TNIP3: variants seen among roughly 807,000 people sequenced by gnomAD.
TNIP3 encodes TNFAIP3-interacting protein 3.
In TNIP3, 34 loss-of-function variants were observed where a neutral mutation model predicts 54.1. The ratio of observed to expected loss-of-function variants is 0.63; its 90% confidence interval spans 0.48 to 0.84. TNIP3 has a LOEUF of 0.84. Among genes scored for constraint, TNIP3 ranks in the 40% least tolerant of loss-of-function variants. The probability of loss-of-function intolerance (pLI) is 0.00; values close to 1 mark genes in which losing one functional copy is unlikely to be tolerated. For missense variants in TNIP3, 366 were observed against 387.6 expected (o/e 0.94, Z 0.47); for synonymous variants, 134 against 136.8 (o/e 0.98, Z 0.14).
chr4:121,211,032 A>T (rs564792842), intron 2 of TNIP3, among the ~76,000 whole-genome samples: 4 of 152,326 alleles, frequency 2.6e-5, no homozygotes, highest in African/African-American at 9.6e-5. Context: ...GAAAACCCTG[A>T]TCTGGTAATA....
intron 9 of TNIP3, among the ~76,000 whole-genome samples, chr4:121,141,408 A>C (rs1254873096): frequency 6.6e-6 from 1 of 152,242 alleles, no homozygotes; most frequent in African/African-American, 2.4e-5. Flanking sequence ...TATTTTGCAC[A>C]TATGTAGCAA....
intron 2 of TNIP3, among the ~76,000 whole-genome samples, chr4:121,215,219 A>T (rs1299829472): frequency 6.6e-6 from 1 of 152,156 alleles, no homozygotes; most frequent in South Asian, 2.1e-4. Flanking sequence ...GAAAGTACAG[A>T]TGGGCCTCTT....
intron 2 of TNIP3, among the ~76,000 whole-genome samples, chr4:121,194,698 C>A (rs572856367): frequency 1.6e-4 from 24 of 152,230 alleles, no homozygotes; most frequent in Non-Finnish European, 3.1e-4. Context: ...ACCCCTAAAC[C>A]TTGAGTGTCT....
At chr4:121,187,955 C>G (rs1725111036) in intron 2 of TNIP3, among the ~76,000 whole-genome samples, 1 of 151,706 alleles carries the variant, frequency 6.6e-6, no homozygotes, top group Admixed American at 6.6e-5. Context: ...TTTTTTTTAA[C>G]CATCCAGGAA....
chr4:121,151,548 T>G (rs1729758158), intron 5 of TNIP3, among the ~76,000 whole-genome samples: 1 of 152,158 alleles, frequency 6.6e-6, no homozygotes, highest in Non-Finnish European at 1.5e-5. Context: ...AATTTATGTT[T>G]TTTGAGGATT....
chr4:121,219,644 C>T (rs1465667370), upstream of TNIP3, among the ~76,000 whole-genome samples: 1 of 152,136 alleles, frequency 6.6e-6, no homozygotes, highest in African/African-American at 2.4e-5. Context: ...TTCGTATTAC[C>T]AGTCATACTC....
At chr4:121,209,163 C>T (rs1019606227) in intron 2 of TNIP3, among the ~76,000 whole-genome samples, 3 of 152,236 alleles carry the variant, frequency 2.0e-5, no homozygotes, top group Admixed American at 6.5e-5. Flanking sequence ...TGTGTGACAG[C>T]ATCCCCATGC....
intron 6 of TNIP3, among the ~76,000 whole-genome samples, chr4:121,147,713 C>T (rs566209716): frequency 3.3e-5 from 5 of 152,232 alleles, no homozygotes; most frequent in Middle Eastern, 3.4e-3. Flanking sequence ...GTATATAAAG[C>T]TATGAAAACA....
chr4:121,159,494 T>G (rs1387691544), intron 2 of TNIP3, among the ~76,000 whole-genome samples: 1 of 152,258 alleles, frequency 6.6e-6, no homozygotes, highest in East Asian at 1.9e-4. Context: ...GTGCTTACAC[T>G]GATTATAATG....
chr4:121,205,650 G>T (rs1351857443), intron 2 of TNIP3, among the ~76,000 whole-genome samples: 1 of 152,116 alleles, frequency 6.6e-6, no homozygotes, highest in East Asian at 1.9e-4. Context: ...AGTGAGGGAT[G>T]TGGAAAGAAA....
chr4:121,181,617 T>C (rs1724703394), intron 3 of TNIP3, among the ~76,000 whole-genome samples: 1 of 115,074 alleles, frequency 8.7e-6, no homozygotes, highest in Admixed American at 9.2e-5. Context: ...GGTAAGTTAA[T>C]AAGACAGGTG....
chr4:121,156,801 T>C (rs1730115886), intron 4 of TNIP3, among the ~76,000 whole-genome samples: 2 of 151,118 alleles, frequency 1.3e-5, no homozygotes, highest in Admixed American at 6.6e-5. Context: ...CCCTAGAGAG[T>C]TAGCAAATTT....
chr4:121,167,511 A>G (rs1196706879), upstream of TNIP3, among the ~76,000 whole-genome samples: 1 of 152,210 alleles, frequency 6.6e-6, no homozygotes. Flanking sequence ...AAGCCTAGTT[A>G]TGAAGGATTC....
intron 2 of TNIP3, among the ~76,000 whole-genome samples, chr4:121,206,971 A>G (rs1479739257): frequency 6.6e-6 from 1 of 152,228 alleles, no homozygotes; most frequent in East Asian, 1.9e-4. Flanking sequence ...TCAATTTAAA[A>G]TAGAAATAAG....
chr4:121,133,617 G>T (rs1190735676), intron 10 of TNIP3, among the ~76,000 whole-genome samples: 1 of 152,194 alleles, frequency 6.6e-6, no homozygotes, highest in African/African-American at 2.4e-5. Flanking sequence ...TAGAATTAAA[G>T]ATCAATAGCC....
At chr4:121,146,931 T>C (rs1250249393) in intron 7 of TNIP3, 118 bp downstream of exon 7, 2 of 1,126,376 alleles carry the variant, frequency 1.8e-6, no homozygotes, top group African/African-American at 1.6e-5. Flanking sequence ...TCATCCCAGG[T>C]GCTGACCTTT....
Position 121,142,710 on chromosome 4 carries a change from A to C in TNIP3, c.786+16T>G. On this transcript the variant is annotated intron_variant, in intron 8 of 10. Coordinates refer to ENST00000057513, the MANE Select transcript of TNIP3 (RefSeq NM_024873.6). The stretch of plus-strand genomic sequence containing the variant: ...ACATGGGAATAAATGTATGCGTGAA[A>C]ATTAGATCAACATACCTGTTTTAAT... The C allele has an allele frequency of 6.2e-7, 1 of 1,604,948 alleles. No homozygotes were observed. The highest frequency in any genetic ancestry group is 8.5e-7 in the Non-Finnish European group (1 of 1,172,238).
intron 2 of TNIP3, among the ~76,000 whole-genome samples, chr4:121,184,124 G>A (rs1724871345): frequency 6.7e-6 from 1 of 149,924 alleles, no homozygotes; most frequent in Admixed American, 6.6e-5. Flanking sequence ...TTAATTGTGT[G>A]ATTTTTTTTT....
rs1014556 is a variant in TNIP3, at chr4:121,152,543, A to G, written c.492+2008T>C. The stretch of plus-strand genomic sequence containing the variant: ...CAGAATTGTCTACCAAACATATTAT[A>G]TACTAGCTAATTAAATTCATCCATT... On this transcript the variant is annotated intron_variant, in intron 5 of 10. Transcript: ENST00000057513. 5.6e-3 allele frequency among the ~76,000 whole-genome samples: 848 copies of G among 152,280 alleles called. 12 individuals are homozygous for G. Among genetic ancestry groups the G allele is most frequent in the African/African-American group, 0.02 (811 of 41,540 alleles).
Sources: gnomAD v4.1 joint callset for allele counts (sites outside exome capture counted in the v4.1 genomes callset) on GRCh38, gnomAD v4.1.1 for gene constraint, MANE v1.5 for transcripts, NCBI Gene and HGNC (gene_info 2026-07-23, HGNC 2026-07-21) for gene names.